Variants in DNAH6 observed in about 807,000 individuals in gnomAD.
The protein encoded by DNAH6 is axonemal beta dynein heavy chain 6.
A neutral mutation model predicts 491.4 loss-of-function variants in DNAH6; 340 were observed. That is an observed-to-expected ratio of 0.69 (90% CI 0.63 to 0.76). The LOEUF (loss-of-function observed/expected upper bound fraction) is 0.76. DNAH6 is among the 30% of genes least tolerant of loss of function. DNAH6 has a pLI of 0.00. For synonymous variants in DNAH6, 1,603 were observed against 1,686.1 expected (o/e 0.95, Z 1.21); for missense variants, 4,443 against 4,972.2 (o/e 0.89, Z 3.20).
At chr2:84,809,633 G>T (rs1483076959) in intron 72 of DNAH6, among the ~76,000 whole-genome samples, 1 of 152,106 alleles carries the variant, frequency 6.6e-6, no homozygotes, top group African/African-American at 2.4e-5. Context: ...CAAAACAAGA[G>T]AAAAATTCAC....
intron 11 of DNAH6, among the ~76,000 whole-genome samples, chr2:84,565,868 TTGG>T (rs997773149): frequency 2.1e-4 from 32 of 152,066 alleles, no homozygotes; most frequent in African/African-American, 7.5e-4. Flanking sequence ...TCCTTCTTAA[TTGG>T]TGTTGGTTTA....
intron 11 of DNAH6, among the ~76,000 whole-genome samples, chr2:84,568,262 T>C (rs1217157983): frequency 6.6e-6 from 1 of 152,108 alleles, no homozygotes; most frequent in Non-Finnish European, 1.5e-5. Flanking sequence ...TATAAAGATA[T>C]ATGCATACAC....
the DNAH6 span, among the ~76,000 whole-genome samples, chr2:84,478,603 A>G: frequency 6.6e-6 from 1 of 152,090 alleles, no homozygotes; most frequent in Non-Finnish European, 1.5e-5. Context: ...TTTGAGCCCT[A>G]TTGCAGATTT....
Position 84,584,157 on chromosome 2 carries a change from T to C in DNAH6, c.2388T>C (p.Asp796=). 3 of 1,614,136 alleles carry C rather than the reference T, an allele frequency of 1.9e-6. No individual in the cohort carries two copies. The highest frequency in any genetic ancestry group is 2.5e-6 in the Non-Finnish European group (3 of 1,180,016). Residue 796 remains aspartate (D), a synonymous_variant, in exon 15 of 77, where the codon GAT becomes GAC. Coordinates refer to ENST00000389394, the MANE Select transcript of DNAH6 (RefSeq NM_001370.2). ...VRNAIDKSVG[D]RESSIKQFCV... ...ATGCCATTGATAAATCAGTGGGTGA[T>C]AGAGAATCAAGCATTAAGCAATTTT...
At chr2:84,562,249 G>GAGAA (rs1018116163) in intron 11 of DNAH6, among the ~76,000 whole-genome samples, 5 of 151,962 alleles carry the variant, frequency 3.3e-5, no homozygotes, top group African/African-American at 9.7e-5. Flanking sequence ...TCGTCACTCA[G>GAGAA]AGAAAGAAAG....
chr2:84,598,911 TC>T (rs374883323), intron 18 of DNAH6, among the ~76,000 whole-genome samples: 284 of 152,028 alleles, frequency 1.9e-3, no homozygotes, highest in African/African-American at 6.7e-3. Context: ...GTGCCTGTAG[TC>T]CTGGCTACCT....
intron 54 of DNAH6, among the ~76,000 whole-genome samples, chr2:84,708,305 C>T (rs1018236578): frequency 6.6e-6 from 1 of 151,504 alleles, no homozygotes; most frequent in African/African-American, 2.4e-5. Flanking sequence ...ATTAGCTGGG[C>T]GTAGGGGCAG....
chr2:84,656,881 T>C (rs1180117677), intron 35 of DNAH6, among the ~76,000 whole-genome samples: 1 of 152,030 alleles, frequency 6.6e-6, no homozygotes, highest in Non-Finnish European at 1.5e-5. Flanking sequence ...TCATGGATGG[T>C]GCCTTTGGTG....
chr2:84,750,868 C>T (rs1013905113), intron 63 of DNAH6: 1 of 152,234 alleles, frequency 6.6e-6, no homozygotes, highest in African/African-American at 2.4e-5. Flanking sequence ...TTATCAATGC[C>T]TTCAACCAAA....
At chr2:84,620,824 A>T (rs1687324482) in intron 24 of DNAH6, among the ~76,000 whole-genome samples, 1 of 152,212 alleles carries the variant, frequency 6.6e-6, no homozygotes, top group African/African-American at 2.4e-5. Flanking sequence ...GTCCAAAAAA[A>T]TAGATACAAG....
intron 45 of DNAH6, 53 bp from the exon 46 acceptor site, chr2:84,694,196 G>A: frequency 6.7e-7 from 1 of 1,483,952 alleles, no homozygotes; most frequent in Non-Finnish European, 9.2e-7. Context: ...GGCTCTCTGA[G>A]CAGGAGCCAT....
chr2:84,499,627 A>G, the DNAH6 span, among the ~76,000 whole-genome samples: 2 of 152,150 alleles, frequency 1.3e-5, no homozygotes, highest in African/African-American at 2.4e-5. Flanking sequence ...ACAGTTCTCC[A>G]TAGTGGTTGT....
chr2:84,803,565 A>G (rs1441421717), intron 70 of DNAH6, among the ~76,000 whole-genome samples: 1 of 151,814 alleles, frequency 6.6e-6, no homozygotes, highest in Non-Finnish European at 1.5e-5. Flanking sequence ...TAAATAATAA[A>G]ATGCTAAAAA....
chr2:84,636,006 G>A (rs1688847651), intron 30 of DNAH6, among the ~76,000 whole-genome samples: 1 of 152,078 alleles, frequency 6.6e-6, no homozygotes, highest in African/African-American at 2.4e-5. Context: ...CCATCACCAA[G>A]TCTTGTTAAT....
At chr2:84,703,961 A>G in intron 50 of DNAH6, 106 bp from the exon 51 acceptor site, 1 of 834,740 alleles carries the variant, frequency 1.2e-6, no homozygotes, top group Non-Finnish European at 1.9e-6. Context: ...CCCTTTCATC[A>G]TTATTCTAAT....
chr2:84,577,947 G>T (rs1303283391), intron 13 of DNAH6, among the ~76,000 whole-genome samples: 2 of 152,162 alleles, frequency 1.3e-5, no homozygotes, highest in Non-Finnish European at 2.9e-5. Flanking sequence ...GAAAACTATA[G>T]CCCACAGAGC....
chr2:84,552,718 G>A (rs1679517349), intron 9 of DNAH6, among the ~76,000 whole-genome samples, 200 bp from the exon 10 acceptor site: 1 of 152,116 alleles, frequency 6.6e-6, no homozygotes, highest in South Asian at 2.1e-4. Flanking sequence ...AAGGAGAGAA[G>A]GTTTACATTG....
At chr2:84,469,218 G>T in the DNAH6 span, among the ~76,000 whole-genome samples, 1 of 152,150 alleles carries the variant, frequency 6.6e-6, no homozygotes, top group Non-Finnish European at 1.5e-5. The surrounding 1 kb of genome is among the most constrained non-coding windows in gnomAD (Gnocchi z 4.0). Context: ...TGACTGGTAA[G>T]AAATTCTTAC....
rs546263085 is a variant in DNAH6, at chr2:84,730,944, A to G, written c.10207-2500A>G. On this transcript the variant is annotated intron_variant, in intron 61 of 76. Transcript: ENST00000389394. The stretch of plus-strand genomic sequence containing the variant: ...TTTATCTAGGATCAAGATGTAACAC[A>G]GGGAAATGCCACTTCCAGCATGACA... Among the ~76,000 whole-genome samples, 10 of 152,366 alleles carry G rather than the reference A, an allele frequency of 6.6e-5. 1 individual carries two copies. The East Asian group carries it at 1.9e-3, about 29-fold the overall frequency.
Sources: allele counts gnomAD v4.1 joint callset (sites outside exome capture counted in the v4.1 genomes callset), GRCh38; gene constraint gnomAD v4.1.1; non-coding constraint Gnocchi (gnomAD v3.1); transcripts MANE v1.5; gene names NCBI Gene and HGNC (gene_info 2026-07-23, HGNC 2026-07-21).